Variants in TMEM37 observed in about 807,000 individuals in gnomAD.
The protein encoded by TMEM37 is voltage-dependent calcium channel gamma-like subunit.
TMEM37 carries 12 observed loss-of-function variants against 11.0 expected under a neutral mutation model. The observed-to-expected ratio is 1.09, with a 90% CI of 0.70 to 1.76. TMEM37 has a LOEUF of 1.76. Among genes scored for constraint, TMEM37 ranks in the 40% most tolerant of loss-of-function variants. TMEM37 has a pLI of 0.00. For synonymous variants in TMEM37, 127 were observed against 110.5 expected, an observed-to-expected ratio of 1.15 and a Z score of -0.94; for missense variants, 203 against 251.2, an observed-to-expected ratio of 0.81 and a Z score of 1.30.
intron 1 of TMEM37, among the ~76,000 whole-genome samples, chr2:119,435,100 A>G (rs1226247189): frequency 3.3e-5 from 5 of 152,250 alleles, no homozygotes. Context: ...TACACCCACC[A>G]TGGAGCTTCC....
chr2:119,431,620 C>G (rs113667417), upstream of TMEM37, among the ~76,000 whole-genome samples: 3,526 of 151,850 alleles, frequency 0.023, 128 homozygotes, highest in African/African-American at 0.08. Context: ...CCGATCCTTT[C>G]CCCTGGGACC....
upstream of TMEM37, among the ~76,000 whole-genome samples, chr2:119,431,465 G>C (rs944530238): frequency 5.9e-5 from 9 of 152,308 alleles, no homozygotes; most frequent in African/African-American, 4.8e-5. Flanking sequence ...TCCTCCCTTC[G>C]GACCCTGCCG....
chr2:119,434,974 C>T (rs542080665), intron 1 of TMEM37, among the ~76,000 whole-genome samples: 4 of 152,298 alleles, frequency 2.6e-5, no homozygotes, highest in East Asian at 1.9e-4. Context: ...ATTCGCTGAA[C>T]GGATTCCACC....
upstream of TMEM37, chr2:119,430,206 G>A (rs1682366670): frequency 1.6e-6 from 1 of 642,560 alleles, no homozygotes; most frequent in Non-Finnish European, 2.9e-6. Flanking sequence ...CACCAGGCTG[G>A]CTGAGCCTGG....
At chr2:119,431,847 C>T, upstream of TMEM37, 1 of 1,229,410 alleles carries the variant, frequency 8.1e-7, no homozygotes, top group East Asian at 3.3e-5. Flanking sequence ...CTGGCGCCGG[C>T]GGCCACAGCG....
At chr2:119,431,180 T>A (rs1201594690), upstream of TMEM37, among the ~76,000 whole-genome samples, 1 of 151,822 alleles carries the variant, frequency 6.6e-6, no homozygotes, top group East Asian at 1.9e-4. Context: ...TCAGTTCCCA[T>A]CGAGGTGGAG....
chr2:119,434,768 A>G (rs1464213794), intron 1 of TMEM37, among the ~76,000 whole-genome samples: 2 of 152,054 alleles, frequency 1.3e-5, no homozygotes, highest in African/African-American at 2.4e-5. Flanking sequence ...CCTCACCAAG[A>G]GGGCATGGGG....
chr2:119,437,371 C>T lies in TMEM37; in HGVS notation c.504C>T (p.Ala168=), dbSNP rs1177717424. 2 of 1,614,158 alleles carry T rather than the reference C, an allele frequency of 1.2e-6. No individual in the cohort carries two copies. Among genetic ancestry groups the T allele is most frequent in the African/African-American group, 1.3e-5 (1 of 74,958 alleles). Residue 168 remains alanine (A), a synonymous_variant, in exon 2 of 2, where the codon GCC becomes GCT. Coordinates refer to ENST00000306406, the MANE Select transcript of TMEM37 (RefSeq NM_183240.3). ...FTLMFWCEFT[A]SFLLFLNAIS... is the part of the protein sequence containing the mutation. ...TAATGTTTTGGTGCGAATTCACTGCCTCCTTCCTCCTCTTCCTGAACGCCA... is the reference window on the plus strand; with the variant it reads ...TAATGTTTTGGTGCGAATTCACTGCTTCCTTCCTCCTCTTCCTGAACGCCA...
upstream of TMEM37, among the ~76,000 whole-genome samples, chr2:119,430,656 C>A (rs144645410): frequency 1.8e-3 from 274 of 152,330 alleles, 1 homozygote; most frequent in African/African-American, 3.7e-3. Context: ...TGGGTAAAGT[C>A]ACCAGGAGCT....
chr2:119,433,947 A>G (rs955954126), intron 1 of TMEM37, among the ~76,000 whole-genome samples: 1 of 152,162 alleles, frequency 6.6e-6, no homozygotes, highest in African/African-American at 2.4e-5. Flanking sequence ...CGGCCCGTGT[A>G]CCATGCATCT....
upstream of TMEM37, chr2:119,430,391 C>A (rs1310130169): frequency 2.1e-6 from 1 of 478,102 alleles, no homozygotes; most frequent in Non-Finnish European, 4.3e-6. Flanking sequence ...CAAACCTGGA[C>A]TAGGCCTGCT....
rs1682530254 is a variant in TMEM37, at chr2:119,437,624, G to T, written c.*184G>T. ...AATGGCCCGGGGGCCTCTGCACCTGGTCTGCAGGGCCAGAGGCCAGGAGGG... is the reference window on the plus strand; with the variant it reads ...AATGGCCCGGGGGCCTCTGCACCTGTTCTGCAGGGCCAGAGGCCAGGAGGG... On this transcript the variant is annotated 3_prime_UTR_variant, in exon 2 of 2. Coordinates refer to ENST00000306406, the MANE Select transcript of TMEM37 (RefSeq NM_183240.3). 5 of 747,066 alleles carry T rather than the reference G, an allele frequency of 6.7e-6. No individual in the cohort carries two copies. Among genetic ancestry groups the T allele is most frequent in the African/African-American group, 5.3e-5 (3 of 56,472 alleles). The allele number at this position is 747,066 out of a possible 1,614,324, so 46.3% of individuals were successfully genotyped here. A position where few individuals can be genotyped will look rare whatever the true frequency, so the allele number is the denominator to read the frequency against.
intron 1 of TMEM37, 100 bp downstream of exon 1, chr2:119,432,024 G>A (rs1397916465): frequency 2.3e-6 from 2 of 857,828 alleles, no homozygotes; most frequent in East Asian, 3.4e-5. Flanking sequence ...CGCGAGCGCC[G>A]GCGTCGGGCT....
intron 1 of TMEM37, among the ~76,000 whole-genome samples, chr2:119,434,180 T>C (rs1682456004): frequency 6.6e-6 from 1 of 152,178 alleles, no homozygotes; most frequent in South Asian, 2.1e-4. Flanking sequence ...CCAGCCAGCA[T>C]GCTGTCTCGG....
At chr2:119,430,072 G>T, upstream of TMEM37, 1 of 1,128,190 alleles carries the variant, frequency 8.9e-7, no homozygotes. Context: ...AACAGGACAG[G>T]TCTTCCTTTC....
chr2:119,431,389 G>C (rs1682390658), upstream of TMEM37, among the ~76,000 whole-genome samples: 1 of 152,140 alleles, frequency 6.6e-6, no homozygotes, highest in African/African-American at 2.4e-5. Flanking sequence ...CCGAGGCTCC[G>C]AGACGCTAAA....
chr2:119,433,805 T>C (rs1465662736), intron 1 of TMEM37, among the ~76,000 whole-genome samples: 1 of 152,152 alleles, frequency 6.6e-6, no homozygotes, highest in Non-Finnish European at 1.5e-5. Flanking sequence ...TGCACACTTG[T>C]CCAGCTGCCC....
At chr2:119,431,987 G>A (rs1682408533) in intron 1 of TMEM37, 63 bp downstream of exon 1, 1 of 1,083,022 alleles carries the variant, frequency 9.2e-7, no homozygotes, top group Non-Finnish European at 1.2e-6. Flanking sequence ...GTTGGGGGTG[G>A]GAGGACGGAG....
At chr2:119,434,645 T>C (rs1234678853) in intron 1 of TMEM37, among the ~76,000 whole-genome samples, 1 of 152,034 alleles carries the variant, frequency 6.6e-6, no homozygotes, top group East Asian at 1.9e-4. Context: ...CCACAGCCCA[T>C]ACTCTTAGCT....
Sources: allele counts gnomAD v4.1 joint callset (sites outside exome capture counted in the v4.1 genomes callset), GRCh38; gene constraint gnomAD v4.1.1; transcripts MANE v1.5; gene names NCBI Gene and HGNC (gene_info 2026-07-23, HGNC 2026-07-21).